The following SPDYE12 variants were observed in gnomAD, a reference collection of about 807,000 sequenced individuals.
SPDYE12 encodes speedy protein E12.
chr7:74,910,004 G>A, the SPDYE12 span, among the ~76,000 whole-genome samples: 13 of 151,134 alleles, frequency 8.6e-5, no homozygotes, highest in East Asian at 1.9e-3. Flanking sequence ...GACTCATAGG[G>A]GAGGCAGGGG....
chr7:74,909,736 G>C, the SPDYE12 span: 1 of 1,234,550 alleles, frequency 8.1e-7, no homozygotes. Context: ...TGGGGTGACT[G>C]TGCTCATGTG....
At chr7:74,909,305 C>T in the SPDYE12 span, among the ~76,000 whole-genome samples, 1 of 151,442 alleles carries the variant, frequency 6.6e-6, no homozygotes, top group Non-Finnish European at 1.5e-5. Context: ...CCGCTTGCCT[C>T]AGCCTCCCAA....
the SPDYE12 span, among the ~76,000 whole-genome samples, chr7:74,910,084 G>A: frequency 6.8e-6 from 1 of 148,132 alleles, no homozygotes; most frequent in Non-Finnish European, 1.5e-5. Context: ...AAAAGACAAA[G>A]AATAGCCGGG....
At chr7:74,908,903 G>C in the SPDYE12 span, among the ~76,000 whole-genome samples, 6,308 of 149,242 alleles carry the variant, frequency 0.042, 285 homozygotes, top group Middle Eastern at 0.1. Flanking sequence ...GGATGGTCTT[G>C]CTCTCCTGAC....
the SPDYE12 span, among the ~76,000 whole-genome samples, chr7:74,910,193 G>A: frequency 7.0e-6 from 1 of 142,352 alleles, no homozygotes; most frequent in Non-Finnish European, 1.5e-5. Flanking sequence ...GCAACACAGC[G>A]AGACCCTGTT....
the SPDYE12 span, chr7:74,905,435 G>T: frequency 5.9e-6 from 1 of 170,624 alleles, no homozygotes; most frequent in Non-Finnish European, 1.1e-5. Context: ...AAATGCTCCT[G>T]GACTGTGGCA....
the SPDYE12 span, among the ~76,000 whole-genome samples, chr7:74,909,317 G>T: frequency 2.8e-4 from 43 of 151,390 alleles, 3 homozygotes; most frequent in South Asian, 8.6e-3. Context: ...GCCTCCCAAA[G>T]TGCTGGGATT....
At chr7:74,907,272 G>A in the SPDYE12 span, among the ~76,000 whole-genome samples, 2 of 151,126 alleles carry the variant, frequency 1.3e-5, no homozygotes, top group South Asian at 2.1e-4. Context: ...GATCAAGGGC[G>A]TCTCCCACTC....
At chr7:74,907,933 G>A in the SPDYE12 span, among the ~76,000 whole-genome samples, 1 of 149,274 alleles carries the variant, frequency 6.7e-6, no homozygotes, top group African/African-American at 2.5e-5. Context: ...AAAAAAAAAA[G>A]CAATTGAATA....
chr7:74,909,477 C>T, the SPDYE12 span: 291 of 1,289,014 alleles, frequency 2.3e-4, 5 homozygotes, highest in East Asian at 6.5e-3. Context: ...CCCCGCTGTC[C>T]CAGGGCATTG....
the SPDYE12 span, among the ~76,000 whole-genome samples, chr7:74,907,779 A>T: frequency 6.8e-6 from 1 of 147,502 alleles, no homozygotes; most frequent in South Asian, 2.1e-4. Context: ...ATAACTGTCC[A>T]GGTGTGGTGG....
At chr7:74,908,729 AGT>A in the SPDYE12 span, among the ~76,000 whole-genome samples, 2 of 110,990 alleles carry the variant, frequency 1.8e-5, no homozygotes, top group Middle Eastern at 0.018. Context: ...GCTGGAGTGC[AGT>A]GGTGCGATCT....
the SPDYE12 span, among the ~76,000 whole-genome samples, chr7:74,909,051 G>GTTTTTTTTTTTTTTTTTTTTT: frequency 1.7e-5 from 1 of 58,698 alleles, no homozygotes; most frequent in Non-Finnish European, 3.4e-5. Context: ...TTTTTTTTTT[G>GTTTTTTTTTTTTTTTTTTTTT]GCTTTTTTTT....
At chr7:74,910,115 A>G in the SPDYE12 span, among the ~76,000 whole-genome samples, 1 of 146,284 alleles carries the variant, frequency 6.8e-6, no homozygotes, top group South Asian at 2.2e-4. Flanking sequence ...CAAGCCTGTG[A>G]TCCCAGTACT....
At chr7:74,910,643 C>G in the SPDYE12 span, among the ~76,000 whole-genome samples, 26 of 151,246 alleles carry the variant, frequency 1.7e-4, 1 homozygote, top group Non-Finnish European at 3.5e-4. Flanking sequence ...GAGTCAAGAT[C>G]GAGACACTGC....
chr7:74,908,167 A>T, the SPDYE12 span, among the ~76,000 whole-genome samples: 1 of 129,930 alleles, frequency 7.7e-6, no homozygotes, highest in Non-Finnish European at 1.7e-5. Context: ...TGTGTGCGGG[A>T]CACCCAGACA....
the SPDYE12 span, chr7:74,906,712 TG>T: frequency 1.8e-6 from 1 of 546,528 alleles, no homozygotes; most frequent in Non-Finnish European, 3.1e-6. Context: ...CCCAGTGCTC[TG>T]GGTCATAAGC....
At chr7:74,910,732 C>A in the SPDYE12 span, 29 of 1,409,424 alleles carry the variant, frequency 2.1e-5, no homozygotes, top group African/African-American at 3.9e-4. Context: ...ACTGTAGGAG[C>A]ATCTGGTGGG....
the SPDYE12 span, among the ~76,000 whole-genome samples, chr7:74,908,662 T>C: frequency 1.6e-4 from 1 of 6,418 alleles, no homozygotes. Flanking sequence ...TTTTTTGTTC[T>C]TTTTTTTTTT....
Sources: gnomAD v4.1 joint callset for allele counts (sites outside exome capture counted in the v4.1 genomes callset) on GRCh38, gnomAD v4.1.1 for gene constraint, MANE v1.5 for transcripts, NCBI Gene and HGNC (gene_info 2026-07-23, HGNC 2026-07-21) for gene names.